Variants in APBA1 observed in about 807,000 individuals in gnomAD.
APBA1 encodes the protein amyloid-beta A4 precursor protein-binding family A member 1.
A neutral mutation model predicts 86.6 loss-of-function variants in APBA1; 55 were observed. The observed-to-expected ratio is 0.64, with a 90% CI of 0.51 to 0.80. APBA1 has a LOEUF of 0.80. Ranked by LOEUF, APBA1 falls within the 30% of genes least tolerant of loss-of-function variation. APBA1 has a pLI of 0.00. For synonymous variants in APBA1, 511 were observed against 493.9 expected, an observed-to-expected ratio of 1.03 and a Z score of -0.46; for missense variants, 1,090 against 1,183.0, an observed-to-expected ratio of 0.92 and a Z score of 1.15.
chr9:69,504,971 C>G (rs1835932272), intron 2 of APBA1, among the ~76,000 whole-genome samples: 1 of 152,040 alleles, frequency 6.6e-6, no homozygotes, highest in South Asian at 2.1e-4. Flanking sequence ...ATATTTCTGC[C>G]ACCTGAGGTA....
chr9:69,591,288 G>A (rs990799357), intron 1 of APBA1, among the ~76,000 whole-genome samples: 1 of 152,110 alleles, frequency 6.6e-6, no homozygotes, highest in African/African-American at 2.4e-5. Flanking sequence ...GTGGATTCCT[G>A]AATCCACAAT....
chr9:69,463,269 A>AACTG (rs1178853231), intron 5 of APBA1: 2 of 128,226 alleles, frequency 1.6e-5, no homozygotes, highest in African/African-American at 7.1e-5. Flanking sequence ...CAAGCTCAAG[A>AACTG]ACTGTGTATT....
chr9:69,491,819 C>T (rs1027952458), intron 2 of APBA1, among the ~76,000 whole-genome samples: 7 of 147,094 alleles, frequency 4.8e-5, no homozygotes, highest in Admixed American at 4.1e-4. Flanking sequence ...GGCTGGAGTG[C>T]AGTGGTGCGA....
intron 1 of APBA1, among the ~76,000 whole-genome samples, chr9:69,603,463 TCAGA>T (rs1403048861): frequency 6.6e-6 from 1 of 152,240 alleles, no homozygotes; most frequent in African/African-American, 2.4e-5. Context: ...TTGCTGAAGC[TCAGA>T]CAATCACTGC....
chr9:69,614,355 C>A lies in APBA1; in HGVS notation c.-70+57798G>T, dbSNP rs546839105. ...CTTGTGGAGATATTAAATGATTAAG[C>A]TCTATGGTAAATTGTATGAGAAACA... On this transcript the variant is annotated intron_variant, in intron 1 of 12. Coordinates refer to ENST00000265381, the MANE Select transcript of APBA1 (RefSeq NM_001163.4). Among the ~76,000 whole-genome samples the A allele has an allele frequency of 1.4e-3, 214 of 152,192 alleles. 1 individual carries two copies. Among genetic ancestry groups the A allele is most frequent in the African/African-American group, 4.9e-3 (204 of 41,514 alleles).
intron 2 of APBA1, among the ~76,000 whole-genome samples, chr9:69,488,319 C>T (rs1359276698): frequency 2.6e-5 from 4 of 151,458 alleles, no homozygotes; most frequent in Non-Finnish European, 1.5e-5. Context: ...GATTCACTGA[C>T]TTTTTTTGAA....
At chr9:69,524,836 C>T (rs1836317312) in intron 1 of APBA1, among the ~76,000 whole-genome samples, 1 of 152,130 alleles carries the variant, frequency 6.6e-6, no homozygotes, top group Admixed American at 6.6e-5. Flanking sequence ...AAATCCTCAA[C>T]CAAATACCAG....
At chr9:69,501,376 CA>C (rs1324854630) in intron 2 of APBA1, among the ~76,000 whole-genome samples, 2 of 152,056 alleles carry the variant, frequency 1.3e-5, no homozygotes, top group East Asian at 3.9e-4. Context: ...AATCACATTT[CA>C]TAACTCCCAG....
chr9:69,562,743 C>T (rs992023433), intron 1 of APBA1, among the ~76,000 whole-genome samples: 6 of 152,052 alleles, frequency 3.9e-5, no homozygotes, highest in African/African-American at 1.4e-4. Context: ...AAGAAACCAA[C>T]AATACATTAT....
At chr9:69,545,481 A>G (rs1217556664) in intron 1 of APBA1, among the ~76,000 whole-genome samples, 1 of 152,166 alleles carries the variant, frequency 6.6e-6, no homozygotes, top group Non-Finnish European at 1.5e-5. Context: ...GAAACTGAAA[A>G]TTCTAGCCAA....
At chr9:69,469,258 G>A (rs1234071945) in intron 4 of APBA1, among the ~76,000 whole-genome samples, 2 of 152,150 alleles carry the variant, frequency 1.3e-5, no homozygotes, top group Non-Finnish European at 2.9e-5. Context: ...TAGGTAACTT[G>A]TAATGGAAAC....
intron 11 of APBA1, 76 bp downstream of exon 11, chr9:69,440,920 G>T: frequency 1.9e-6 from 3 of 1,553,130 alleles, no homozygotes; most frequent in Non-Finnish European, 2.6e-6. Flanking sequence ...TAGCCATCTT[G>T]GCTCCACCCC....
At chr9:69,483,767 ACT>A (rs1835562349) in intron 2 of APBA1, among the ~76,000 whole-genome samples, 1 of 152,012 alleles carries the variant, frequency 6.6e-6, no homozygotes, top group Non-Finnish European at 1.5e-5. Flanking sequence ...GACATCAGAC[ACT>A]CTGTGGGGAA....
At chr9:69,620,480 C>A (rs771045086) in intron 1 of APBA1, among the ~76,000 whole-genome samples, 2 of 152,108 alleles carry the variant, frequency 1.3e-5, no homozygotes, top group Non-Finnish European at 2.9e-5. Flanking sequence ...GAGTTCAAGA[C>A]CAGCCTAGCC....
chr9:69,431,525 C>A, intron 12 of APBA1, 127 bp from the exon 13 acceptor site: 4 of 734,294 alleles, frequency 5.4e-6, no homozygotes, highest in Non-Finnish European at 4.4e-6. Context: ...CCCTACCGCC[C>A]AGCCACCACC....
At chr9:69,582,962 T>C (rs1821943784) in intron 1 of APBA1, among the ~76,000 whole-genome samples, 1 of 152,162 alleles carries the variant, frequency 6.6e-6, no homozygotes, top group Admixed American at 6.5e-5. Flanking sequence ...TTGTCAGCAA[T>C]CACTTGAGCA....
rs151327542 is a variant in APBA1 at position 69,627,489 on chromosome 9, C to T, written c.-70+44664G>A. Among the ~76,000 whole-genome samples, 41 of 151,936 alleles carry T rather than the reference C, an allele frequency of 2.7e-4. 1 individual carries two copies. In the East Asian group the frequency reaches 7.7e-3, roughly 29 times the overall value. Reference sequence around the variant, plus strand: ...ACATGCTCACTGAGTTCATCTGGACCAGTTCCCACCCTGACTGTAGGACTC... The same window carrying T: ...ACATGCTCACTGAGTTCATCTGGACTAGTTCCCACCCTGACTGTAGGACTC... On this transcript the variant is annotated intron_variant, in intron 1 of 12. Coordinates refer to ENST00000265381, the MANE Select transcript of APBA1 (RefSeq NM_001163.4).
At chr9:69,635,172 A>G (rs1411859302) in intron 1 of APBA1, among the ~76,000 whole-genome samples, 1 of 152,180 alleles carries the variant, frequency 6.6e-6, no homozygotes, top group African/African-American at 2.4e-5. Flanking sequence ...TTTTCAAGAC[A>G]TAGTACAATA....
intron 1 of APBA1, among the ~76,000 whole-genome samples, chr9:69,606,531 G>A (rs995887158): frequency 1.6e-4 from 18 of 114,534 alleles, no homozygotes; most frequent in East Asian, 3.0e-4. Context: ...TCGCTCTGTC[G>A]CCCAGGCTGG....
Sources: allele counts gnomAD v4.1 joint callset (sites outside exome capture counted in the v4.1 genomes callset), GRCh38; gene constraint gnomAD v4.1.1; transcripts MANE v1.5; gene names NCBI Gene and HGNC (gene_info 2026-07-23, HGNC 2026-07-21).